Variants in RPS6KA2 observed in about 807,000 individuals in gnomAD.
RPS6KA2 encodes the protein ribosomal protein S6 kinase alpha-2.
In RPS6KA2, 42 loss-of-function variants were observed where a neutral mutation model predicts 91.8. That is an observed-to-expected ratio of 0.46 (90% confidence interval 0.36 to 0.59). The LOEUF (loss-of-function observed/expected upper bound fraction) is 0.59, where lower values mean the gene tolerates loss of function less well. Among genes scored for constraint, RPS6KA2 ranks in the 20% least tolerant of loss-of-function variants. The pLI is 0.00. For missense variants in RPS6KA2, 798 were observed against 978.5 expected (o/e 0.82, Z 2.46); for synonymous variants, 414 against 393.6 (o/e 1.05, Z -0.61).
intron 10 of RPS6KA2, among the ~76,000 whole-genome samples, chr6:166,478,926 T>C (rs535433770): frequency 3.3e-5 from 5 of 152,180 alleles, no homozygotes; most frequent in Non-Finnish European, 1.5e-5. Context: ...CACAGAGAGG[T>C]GAAGCCATCC....
At chr6:166,778,646 G>C (rs903906527) in intron 2 of RPS6KA2, among the ~76,000 whole-genome samples, 1 of 152,150 alleles carries the variant, frequency 6.6e-6, no homozygotes, top group Non-Finnish European at 1.5e-5. Context: ...CGCGCCTATA[G>C]TCCCAGCTAC....
chr6:166,701,638 G>C (rs971464002), intron 2 of RPS6KA2: 2 of 1,295,850 alleles, frequency 1.5e-6, no homozygotes, highest in Non-Finnish European at 2.2e-6. Context: ...CTCAGACTGC[G>C]GGGAGGGAGG....
At chr6:166,647,956 A>G (rs1290383758) in intron 2 of RPS6KA2, among the ~76,000 whole-genome samples, 5 of 145,332 alleles carry the variant, frequency 3.4e-5, no homozygotes, top group Admixed American at 6.8e-5. Context: ...ACACATGCAC[A>G]TGCTTACATA....
chr6:166,450,421 G>GA (rs1779858553), intron 13 of RPS6KA2, among the ~76,000 whole-genome samples: 2 of 146,486 alleles, frequency 1.4e-5, no homozygotes, highest in African/African-American at 5.1e-5. Flanking sequence ...ACCACCACAG[G>GA]GACCACCATG....
intron 1 of RPS6KA2, among the ~76,000 whole-genome samples, chr6:166,552,181 A>G (rs142518485): frequency 6.6e-6 from 1 of 152,326 alleles, no homozygotes; most frequent in Non-Finnish European, 1.5e-5. Flanking sequence ...TACAGTCTCA[A>G]TTCTCAATTT....
At chr6:166,707,263 G>A (rs1054503206) in intron 2 of RPS6KA2, among the ~76,000 whole-genome samples, 2 of 152,264 alleles carry the variant, frequency 1.3e-5, no homozygotes. Context: ...CGGCAGCCAC[G>A]CAGCCCGCAG....
chr6:166,668,401 G>A (rs910973067), intron 2 of RPS6KA2, among the ~76,000 whole-genome samples: 12 of 152,172 alleles, frequency 7.9e-5, no homozygotes, highest in African/African-American at 2.2e-4. Context: ...AGCGTCAGAC[G>A]TGAGGCTGTG....
chr6:166,862,463 G>T, exon 1 of RPS6KA2: 1 of 1,106,180 alleles, frequency 9.0e-7, no homozygotes, highest in Non-Finnish European at 1.2e-6. Flanking sequence ...CGCTCGGGCT[G>T]GGGCGAGGAA....
chr6:166,490,822 C>T lies in RPS6KA2; in HGVS notation c.748-81G>A. 1 of 1,020,332 alleles carries T rather than the reference C, an allele frequency of 9.8e-7. No homozygotes were observed. The highest frequency in any genetic ancestry group is 2.6e-5 in the East Asian group (1 of 38,766). The allele number at this position is 1,020,332 out of a possible 1,614,324, so 63.2% of individuals were successfully genotyped here. A position where few individuals can be genotyped will look rare whatever the true frequency, so the allele number is the denominator to read the frequency against. On this transcript the variant is annotated intron_variant, in intron 8 of 20. Coordinates refer to ENST00000265678, the MANE Select transcript of RPS6KA2 (RefSeq NM_021135.6). The surrounding 1 kb of genome is among the most constrained non-coding windows in gnomAD (Gnocchi z 4.2). ...CGGCAGAGTACCCCAGCAGGGCAGC[C>T]TGCTACCGTGTCCATTTCCTCATGC...
chr6:166,518,828 G>A (rs1174519484), intron 3 of RPS6KA2, among the ~76,000 whole-genome samples: 1 of 152,218 alleles, frequency 6.6e-6, no homozygotes, highest in Admixed American at 6.5e-5. Context: ...ACCAAGCAAT[G>A]CCCTCAGCAT....
At chr6:166,507,607 C>G (rs1782286206) in intron 5 of RPS6KA2, among the ~76,000 whole-genome samples, 5 of 150,862 alleles carry the variant, frequency 3.3e-5, no homozygotes, top group Admixed American at 2.6e-4. Flanking sequence ...CACACATGCA[C>G]AAAGCACACC....
intron 2 of RPS6KA2, among the ~76,000 whole-genome samples, chr6:166,783,278 A>G (rs1361932143): frequency 1.3e-5 from 2 of 151,876 alleles, no homozygotes; most frequent in African/African-American, 2.4e-5. Flanking sequence ...TGAGTAAAGT[A>G]GATTACCTTC....
intron 2 of RPS6KA2, among the ~76,000 whole-genome samples, chr6:166,694,037 C>T (rs1309212012): frequency 6.6e-6 from 1 of 152,198 alleles, no homozygotes; most frequent in Non-Finnish European, 1.5e-5. Flanking sequence ...TGTGACATTG[C>T]AGCTCATCAG....
chr6:166,749,891 C>G (rs1181647678), intron 2 of RPS6KA2, among the ~76,000 whole-genome samples: 2 of 151,006 alleles, frequency 1.3e-5, no homozygotes, highest in Admixed American at 6.6e-5. Context: ...CCCCTTTCCA[C>G]CACACAGACT....
intron 1 of RPS6KA2, among the ~76,000 whole-genome samples, chr6:166,581,939 A>C (rs61041201): frequency 1.3e-4 from 16 of 118,984 alleles, no homozygotes; most frequent in East Asian, 3.2e-4. Flanking sequence ...GCAGGAGGGC[A>C]CAGGGAGAGG....
intron 2 of RPS6KA2, among the ~76,000 whole-genome samples, chr6:166,776,772 A>G (rs11967556): frequency 0.011 from 1,711 of 152,314 alleles, 31 homozygotes; most frequent in African/African-American, 0.036. Context: ...ATAACATGCC[A>G]TTGTTTGTTT....
At chr6:166,473,192 T>C (rs909634) in intron 10 of RPS6KA2, among the ~76,000 whole-genome samples, 40,807 of 151,086 alleles carry the variant, frequency 0.27, 5,902 homozygotes, top group East Asian at 0.51. Context: ...TGCCTGTGAA[T>C]GGATTTTTTT....
intron 2 of RPS6KA2, among the ~76,000 whole-genome samples, chr6:166,676,220 G>C (rs1171049576): frequency 6.6e-6 from 1 of 151,942 alleles, no homozygotes; most frequent in South Asian, 2.1e-4. Context: ...AGGAGGCTGA[G>C]GCAGGAGAAT....
chr6:166,438,582 G>T (rs537294431), intron 14 of RPS6KA2, among the ~76,000 whole-genome samples: 6 of 152,190 alleles, frequency 3.9e-5, no homozygotes, highest in Non-Finnish European at 8.8e-5. Flanking sequence ...TAACTCATGT[G>T]CTTCTTTCTA....
Sources: gnomAD v4.1 joint callset for allele counts (sites outside exome capture counted in the v4.1 genomes callset) on GRCh38, gnomAD v4.1.1 for gene constraint, Gnocchi (gnomAD v3.1) non-coding constraint, MANE v1.5 for transcripts, NCBI Gene and HGNC (gene_info 2026-07-23, HGNC 2026-07-21) for gene names.